The following TCEA2 variants were observed in gnomAD, a reference collection of about 807,000 sequenced individuals.
TCEA2 encodes transcription elongation factor A protein 2.
TCEA2 carries 21 observed loss-of-function variants against 40.8 expected under a neutral mutation model. The observed-to-expected ratio is 0.51, with a 90% CI of 0.36 to 0.74. The LOEUF (loss-of-function observed/expected upper bound fraction) is 0.74. TCEA2 is among the 30% of genes least tolerant of loss of function. The pLI is 0.00. For missense variants in TCEA2, 326 were observed against 426.5 expected, an observed-to-expected ratio of 0.76 and a Z score of 2.08; for synonymous variants, 165 against 162.7, an observed-to-expected ratio of 1.01 and a Z score of -0.11.
At chr20:64,068,166 T>G in intron 4 of TCEA2, 32 bp downstream of exon 4, 1 of 1,563,080 alleles carries the variant, frequency 6.4e-7, no homozygotes, top group Non-Finnish European at 8.8e-7. Context: ...TGCACACACT[T>G]CTGCTTCCCA....
chr20:64,059,241 TTTA>T (rs1004659939), upstream of TCEA2, among the ~76,000 whole-genome samples: 1 of 150,458 alleles, frequency 6.6e-6, no homozygotes, highest in African/African-American at 2.4e-5. Context: ...TTCCCACCAG[TTTA>T]TTTTCTGTCA....
chr20:64,069,581 G>T (rs548019157), intron 5 of TCEA2, 90 bp downstream of exon 5: 18 of 1,559,960 alleles, frequency 1.2e-5, no homozygotes, highest in Non-Finnish European at 1.6e-5. Flanking sequence ...TGCTTCCAGC[G>T]GGGTGACTGT....
At chr20:64,064,868 G>A (rs1361553852) in intron 1 of TCEA2, among the ~76,000 whole-genome samples, 2 of 150,056 alleles carry the variant, frequency 1.3e-5, no homozygotes, top group Non-Finnish European at 3.0e-5. Flanking sequence ...CCCGAGAATG[G>A]AGTTGTTCCC....
rs776003210 is a variant in TCEA2 at position 64,069,363 on chromosome 20, G to C, written c.332G>C (p.Arg111Pro). The part of the protein sequence containing the change: ...RDASEAPDPS[R>P]KRPELPRAPS... ...CAGCTGGCCCTGGCTCTCTGCAGCC[G>C]CAAGAGGCCGGAGCTGCCCAGGGCA... Residue 111 changes from arginine to proline, a missense_variant and splice_region_variant, in exon 5 of 10, where the codon CGC (arginine) becomes CCC (proline). Arg to Pro is a moderately radical substitution (Grantham distance 103). Transcript: ENST00000343484. 1 of 1,580,798 alleles carries C rather than the reference G, an allele frequency of 6.3e-7. No homozygotes were observed. Among genetic ancestry groups the C allele is most frequent in the African/African-American group, 1.3e-5 (1 of 74,422 alleles).
chr20:64,069,337 C>A, intron 4 of TCEA2, 24 bp from the exon 5 acceptor site: 1 of 1,553,392 alleles, frequency 6.4e-7, no homozygotes, highest in South Asian at 1.2e-5. Flanking sequence ...GAGTCTGAAC[C>A]CAGCTGGCCC....
rs866419201 is a variant in TCEA2 at position 64,071,880 on chromosome 20, G to A, written c.830G>A (p.Arg277His). The A allele has an allele frequency of 2.5e-6, 4 of 1,614,092 alleles. No individual in the cohort carries two copies. The highest frequency in any genetic ancestry group is 1.7e-4 in the Middle Eastern group (1 of 6,056). ...KNCTYTQVQT[R>H]SSDEPMTTFV... is the part of the protein sequence containing the mutation. ...CAGCCCTGTTCACAGGTGCAGACCC[G>A]CAGCTCTGATGAGCCCATGACCACC... is the stretch of plus-strand genomic sequence containing the variant. The change falls in exon 9 of 10, where the codon CGC becomes CAC. Residue 277 changes from arginine to histidine, a missense_variant. By Grantham distance (29) the Arg-to-His change is conservative. Transcript: ENST00000343484.
At position 64,066,980 on chromosome 20, in the gene TCEA2, A is replaced by G. The variant is rs201512921; in HGVS notation, c.201A>G (p.Ala67=). Residue 67 remains alanine, a synonymous_variant, in exon 3 of 10, where the codon GCA becomes GCG. Transcript: ENST00000343484. ...RKQSSDEEVI[A]LAKSLIKSWK... ...AGAGCTCGGATGAGGAGGTCATTGC[A>G]CTGGCCAAGTCTCTCATCAAGTCCT... 2 of 1,613,870 alleles carry G rather than the reference A, an allele frequency of 1.2e-6. No individual in the cohort carries two copies. The highest frequency in any genetic ancestry group is 1.7e-6 in the Non-Finnish European group (2 of 1,179,916).
At chr20:64,066,675 AGGGTCTCT>A (rs1299225482) in intron 2 of TCEA2, 137 bp downstream of exon 2, 2 of 1,028,850 alleles carry the variant, frequency 1.9e-6, no homozygotes, top group African/African-American at 3.2e-5. Flanking sequence ...TCCTGAGGAG[AGGGTCTCT>A]GCCTTTCTCT....
intron 2 of TCEA2, among the ~76,000 whole-genome samples, 183 bp from the exon 3 acceptor site, chr20:64,066,732 C>A (rs796297789): frequency 2.6e-5 from 4 of 152,312 alleles, no homozygotes; most frequent in African/African-American, 9.6e-5. Flanking sequence ...GAGGATAACC[C>A]ATCTTGTCCT....
upstream of TCEA2, among the ~76,000 whole-genome samples, chr20:64,056,538 G>A (rs2059474991): frequency 1.4e-5 from 1 of 73,152 alleles, no homozygotes; most frequent in South Asian, 5.8e-4. Context: ...AGGGGGTGGG[G>A]GCTCCTGGGG....
intron 8 of TCEA2, among the ~76,000 whole-genome samples, chr20:64,071,560 G>C (rs566918986): frequency 6.6e-6 from 1 of 152,302 alleles, no homozygotes; most frequent in African/African-American, 2.4e-5. Context: ...CCGGAAGGCA[G>C]CCGCGGGCAC....
chr20:64,063,697 C>A (rs948982265), intron 1 of TCEA2: 5 of 407,408 alleles, frequency 1.2e-5, no homozygotes, highest in Non-Finnish European at 2.2e-5. Context: ...CTTCCCTGTC[C>A]CTTAACTCCA....
upstream of TCEA2, among the ~76,000 whole-genome samples, chr20:64,055,724 G>A (rs73916693): frequency 0.011 from 1,639 of 152,234 alleles, 27 homozygotes; most frequent in African/African-American, 0.038. This position sits in a 1 kb window ranked among gnomAD's most constrained non-coding sequence, Gnocchi z 4.0. Flanking sequence ...GCTACGTGAA[G>A]ACGGGGCTGT....
chr20:64,065,331 G>A (rs2059666013), intron 1 of TCEA2, among the ~76,000 whole-genome samples: 1 of 152,188 alleles, frequency 6.6e-6, no homozygotes. Context: ...TGCTGGGGTT[G>A]TGCGGGCGGT....
In TCEA2 at chr20:64,070,120, C is replaced by T. The variant is rs113095817; in HGVS notation, c.518-140C>T. ...GCCCTGCAGCCCTTCACCTCTCCACCAGGTGTGGGTGGGCAGACCGACCCC... is the reference window on the plus strand; with the variant it reads ...GCCCTGCAGCCCTTCACCTCTCCACTAGGTGTGGGTGGGCAGACCGACCCC... On this transcript the variant is annotated intron_variant, in intron 6 of 9. Coordinates refer to ENST00000343484, the MANE Select transcript of TCEA2 (RefSeq NM_003195.6). The T allele has an allele frequency of 1.3e-3, 1,685 of 1,285,792 alleles. 17 individuals are homozygous for T. In the African/African-American group the frequency reaches 0.022, roughly 17 times the overall value. The allele number at this position is 1,285,792 out of a possible 1,614,324, so 79.6% of individuals were successfully genotyped here.
At chr20:64,069,858 G>A (rs752943670) in intron 6 of TCEA2, 37 bp downstream of exon 6, 20 of 1,607,616 alleles carry the variant, frequency 1.2e-5, no homozygotes, top group Non-Finnish European at 1.5e-5. Context: ...CTGGGTTTCT[G>A]GTGGAGTCAG....
At chr20:64,059,193 CAA>C (rs60812317), upstream of TCEA2, among the ~76,000 whole-genome samples, 4,233 of 91,192 alleles carry the variant, frequency 0.046, 186 homozygotes, top group African/African-American at 0.15. Context: ...AACTCTGTCT[CAA>C]AAAAAAAAAA....
rs768081785 is a variant in TCEA2, at chr20:64,068,129, T to C, written c.324T>C (p.Asp108=). ...CGAGGGATGCCTCAGAGGCCCCGGA[T>C]CCCAGGTAGCACACCTGGAAGGCAG... is the stretch of plus-strand genomic sequence containing the variant. ...TSSRDASEAP[D]PSRKRPELPR... Residue 108 remains aspartate, a synonymous_variant, in exon 4 of 10, where the codon GAT becomes GAC. Coordinates refer to ENST00000343484, the MANE Select transcript of TCEA2 (RefSeq NM_003195.6). 2.5e-6 allele frequency: 4 copies of C among 1,607,666 alleles called. No individual in the cohort carries two copies.
chr20:64,067,061 T>C (rs1229896691), intron 3 of TCEA2, 41 bp downstream of exon 3: 7 of 1,560,232 alleles, frequency 4.5e-6, no homozygotes, highest in Non-Finnish European at 6.1e-6. Context: ...GGGGCAGGGG[T>C]CCCAGAAGTG....
Sources: allele counts gnomAD v4.1 joint callset (sites outside exome capture counted in the v4.1 genomes callset), GRCh38; gene constraint gnomAD v4.1.1; non-coding constraint Gnocchi (gnomAD v3.1); transcripts MANE v1.5; gene names NCBI Gene and HGNC (gene_info 2026-07-23, HGNC 2026-07-21).